A4GNT: variants seen among roughly 807,000 people sequenced by gnomAD.
A4GNT encodes the protein alpha-1,4-N-acetylglucosaminyltransferase.
Under a neutral mutation model 8.3 loss-of-function variants are expected in A4GNT, and 6 were observed. That is an observed-to-expected ratio of 0.72 (90% CI 0.39 to 1.42). The LOEUF is 1.42. Ranked by LOEUF, A4GNT falls within the 40% of genes most tolerant of loss-of-function variation. The probability of loss-of-function intolerance (pLI) is 0.02; values close to 1 mark genes in which losing one functional copy is unlikely to be tolerated. For missense variants in A4GNT, 377 were observed against 417.0 expected (o/e 0.90, Z 0.84); for synonymous variants, 157 against 159.8 (o/e 0.98, Z 0.13).
chr3:138,124,372 G>A lies in A4GNT; in HGVS notation c.915C>T (p.Asn305=), dbSNP rs780715163. 1.2e-6 allele frequency: 2 copies of A among 1,614,120 alleles called. No individual in the cohort carries two copies. Among genetic ancestry groups the A allele is most frequent in the African/African-American group, 2.7e-5 (2 of 74,944 alleles). Reference sequence around the variant, plus strand: ...TGCGATAGAGATTTTCCACCAGTGTGTTGCTTCCTCTAATCACAGCCCGCC... The same window carrying A: ...TGCGATAGAGATTTTCCACCAGTGTATTGCTTCCTCTAATCACAGCCCGCC... ...QEGRAVIRGS[N]TLVENLYRKH... The change falls in exon 3 of 3, where the codon AAC becomes AAT. Residue 305 remains asparagine (N), a synonymous_variant. Transcript: ENST00000236709.
At position 138,124,866 on chromosome 3, in the gene A4GNT, C is replaced by A; in HGVS notation, c.421G>T (p.Ala141Ser). ...FSWYNQINASAERNWLHISSD... is the reference protein window; with the variant it reads ...FSWYNQINASSERNWLHISSD... ...CTGATGTGGAGCCAGTTTCTCTCTG[C>A]GCTGGCGTTGATCTGCAGGAGCAGG... Residue 141 changes from alanine to serine, a missense_variant, in exon 3 of 3, where the codon GCA becomes TCA. Transcript: ENST00000236709. 1 of 1,610,544 alleles carries A rather than the reference C, an allele frequency of 6.2e-7. No individual in the cohort carries two copies. The highest frequency in any genetic ancestry group is 8.5e-7 in the Non-Finnish European group (1 of 1,178,244).
At chr3:138,126,772 G>A (rs2042746936) in intron 2 of A4GNT, among the ~76,000 whole-genome samples, 1 of 150,396 alleles carries the variant, frequency 6.6e-6, no homozygotes, top group African/African-American at 2.5e-5. Context: ...GTTGCAGTGA[G>A]GAAAGATTGT....
rs767113376 is a variant in A4GNT, at chr3:138,124,448, C to G, written c.839G>C (p.Ser280Thr). The change falls in exon 3 of 3, where the codon AGC (serine) becomes ACC (threonine). Residue 280 changes from serine (S) to threonine (T), a missense_variant. Physicochemically the swap from Ser to Thr is moderately conservative, Grantham distance 58. Coordinates refer to ENST00000236709, the MANE Select transcript of A4GNT (RefSeq NM_016161.3). ...RYYEVWDTEP[S>T]FNVSYALHLW... ...ATGCAGGGCATAAGAGACATTGAAG[C>G]TTGGCTCTGTATCCCACACTTCATA... The G allele has an allele frequency of 4.3e-6, 7 of 1,614,224 alleles. No homozygotes were observed. The Admixed American group carries it at 1.2e-4, about 27-fold the overall frequency.
In A4GNT at chr3:138,124,453, C is replaced by T. The variant is rs2042732591; in HGVS notation, c.834G>A (p.Glu278=). Residue 278 remains glutamate (E), a synonymous_variant, in exon 3 of 3, where the codon GAG becomes GAA. Coordinates refer to ENST00000236709, the MANE Select transcript of A4GNT (RefSeq NM_016161.3). The part of the protein sequence containing the change: ...WRRYYEVWDT[E]PSFNVSYALH... ...GGGCATAAGAGACATTGAAGCTTGGCTCTGTATCCCACACTTCATAGTAGC... is the reference window on the plus strand; with the variant it reads ...GGGCATAAGAGACATTGAAGCTTGGTTCTGTATCCCACACTTCATAGTAGC... The T allele has an allele frequency of 1.2e-6, 2 of 1,614,174 alleles. No individual in the cohort carries two copies. The highest frequency in any genetic ancestry group is 2.2e-5 in the South Asian group (2 of 91,084).
At chr3:138,128,482 G>A (rs1296283753) in intron 2 of A4GNT, among the ~76,000 whole-genome samples, 2 of 151,592 alleles carry the variant, frequency 1.3e-5, no homozygotes, top group African/African-American at 2.4e-5. Flanking sequence ...GGGTGGGGGG[G>A]TAGGTGCCAC....
Position 138,124,608 on chromosome 3 carries a change from A to C in A4GNT, c.679T>G (p.Leu227Val). Residue 227 changes from leucine (L) to valine (V), a missense_variant, in exon 3 of 3, where the codon TTG becomes GTG. Coordinates refer to ENST00000236709, the MANE Select transcript of A4GNT (RefSeq NM_016161.3). Reference protein sequence around the residue: ...SAIWGNQGPELMTRMLRVWCK... With the variant: ...SAIWGNQGPEVMTRMLRVWCK... ...CATACCCTCAACATCCTTGTCATCA[A>C]CTCAGGGCCTTGGTTGCCCCAAATG... 6.2e-7 allele frequency: 1 copy of C among 1,614,192 alleles called. No homozygotes were observed.
In A4GNT at chr3:138,124,478, C is replaced by T. The variant is rs570351376; in HGVS notation, c.809G>A (p.Arg270His). 77 of 1,614,080 alleles carry T rather than the reference C, an allele frequency of 4.8e-5. No homozygotes were observed. Among genetic ancestry groups the T allele is most frequent in the Middle Eastern group, 1.6e-4 (1 of 6,084 alleles). ...FYPISYREWR[R>H]YYEVWDTEPS... ...CTCTGTATCCCACACTTCATAGTAG[C>T]GCCTCCACTCTCGATAGGAGATGGG... The change falls in exon 3 of 3, where the codon CGC becomes CAC. Residue 270 changes from arginine (R) to histidine (H), a missense_variant. Arg to His is a conservative substitution (Grantham distance 29). Transcript: ENST00000236709.
intron 2 of A4GNT, among the ~76,000 whole-genome samples, chr3:138,129,658 A>G (rs539519136): frequency 6.6e-6 from 1 of 152,302 alleles, no homozygotes; most frequent in African/African-American, 2.4e-5. Context: ...AATATCCTCA[A>G]TTTTACCACC....
At chr3:138,125,853 T>C (rs746567827) in intron 2 of A4GNT, among the ~76,000 whole-genome samples, 1 of 151,902 alleles carries the variant, frequency 6.6e-6, no homozygotes, top group Non-Finnish European at 1.5e-5. Flanking sequence ...ACACATGCCA[T>C]GTCTGGGAAC....
At chr3:138,131,350 T>C in intron 1 of A4GNT, 68 bp from the exon 2 acceptor site, 1 of 1,252,354 alleles carries the variant, frequency 8.0e-7, no homozygotes, top group Non-Finnish European at 1.1e-6. Context: ...CACAAGAAAA[T>C]GATACATGAA....
upstream of A4GNT, among the ~76,000 whole-genome samples, chr3:138,132,640 C>T (rs542345190): frequency 6.6e-6 from 1 of 152,188 alleles, no homozygotes. Context: ...ATTATTTCAC[C>T]TGGAGAAAAC....
At position 138,124,334 on chromosome 3, in the gene A4GNT, C is replaced by G. The variant is rs2042731486; in HGVS notation, c.953G>C (p.Arg318Thr). 1.9e-6 allele frequency: 3 copies of G among 1,614,088 alleles called. No homozygotes were observed. In the South Asian group the frequency reaches 3.3e-5, roughly 18 times the overall value. ...VENLYRKHCP[R>T]TYRDLIKGPE... is the part of the protein sequence containing the mutation. ...GCCTTTAATCAGGTCCCTGTAAGTCCTGGGACAGTGCTTGCGATAGAGATT... is the reference window on the plus strand; with the variant it reads ...GCCTTTAATCAGGTCCCTGTAAGTCGTGGGACAGTGCTTGCGATAGAGATT... The change falls in exon 3 of 3, where the codon AGG becomes ACG. Residue 318 changes from arginine to threonine, a missense_variant. Coordinates refer to ENST00000236709, the MANE Select transcript of A4GNT (RefSeq NM_016161.3).
intron 2 of A4GNT, among the ~76,000 whole-genome samples, chr3:138,127,242 A>G (rs186436193): frequency 1.3e-5 from 2 of 152,162 alleles, no homozygotes; most frequent in African/African-American, 2.4e-5. Context: ...CGAGTCCTCA[A>G]AAATAGGTAC....
chr3:138,125,564 G>A (rs2042740641), intron 2 of A4GNT, among the ~76,000 whole-genome samples: 1 of 152,178 alleles, frequency 6.6e-6, no homozygotes, highest in Admixed American at 6.5e-5. Flanking sequence ...TGAAGGGACT[G>A]TGAAGGGGCC....
Position 138,124,183 on chromosome 3 carries a change from G to T in A4GNT, c.*81C>A, listed in dbSNP as rs2042730467. 6.5e-7 allele frequency: 1 copy of T among 1,532,952 alleles called. No individual in the cohort carries two copies. Among genetic ancestry groups the T allele is most frequent in the African/African-American group, 1.4e-5 (1 of 72,882 alleles). 95.0% of individuals were successfully genotyped at this position (1,532,952 alleles called of 1,614,324 possible). A position where few individuals can be genotyped will look rare whatever the true frequency, so the allele number is the denominator to read the frequency against. ...CAACCCTCTGCCCACCCCGCCAAGAGACAGTGGAGATCAAGTGAAAATGTG... is the reference window on the plus strand; with the variant it reads ...CAACCCTCTGCCCACCCCGCCAAGATACAGTGGAGATCAAGTGAAAATGTG... On this transcript the variant is annotated 3_prime_UTR_variant, in exon 3 of 3. Transcript: ENST00000236709.
intron 2 of A4GNT, among the ~76,000 whole-genome samples, chr3:138,125,498 A>G (rs1180332801): frequency 6.6e-6 from 1 of 152,210 alleles, no homozygotes; most frequent in African/African-American, 2.4e-5. Context: ...GAGACAGATA[A>G]TAAATAAACC....
chr3:138,124,589 C>T lies in A4GNT; in HGVS notation c.698G>A (p.Arg233Lys), dbSNP rs750149302. 9 of 1,614,234 alleles carry T rather than the reference C, an allele frequency of 5.6e-6. No individual in the cohort carries two copies. Among genetic ancestry groups the T allele is most frequent in the Middle Eastern group, 3.3e-4 (2 of 6,062 alleles). Residue 233 changes from arginine (R) to lysine (K), a missense_variant, in exon 3 of 3, where the codon AGG becomes AAG. Arg to Lys is a conservative substitution (Grantham distance 26). Transcript: ENST00000236709. ...QGPELMTRMLRVWCKLEDFQE... is the reference protein window; with the variant it reads ...QGPELMTRMLKVWCKLEDFQE... ...GAAGTCTTCAAGTTTACACCATACCCTCAACATCCTTGTCATCAACTCAGG... is the reference window on the plus strand; with the variant it reads ...GAAGTCTTCAAGTTTACACCATACCTTCAACATCCTTGTCATCAACTCAGG...
intron 2 of A4GNT, among the ~76,000 whole-genome samples, chr3:138,130,294 C>T (rs2042768705): frequency 2.0e-5 from 3 of 152,112 alleles, no homozygotes; most frequent in Admixed American, 2.0e-4. Context: ...CTGATTTCAG[C>T]TCCTCTATAA....
upstream of A4GNT, chr3:138,132,511 C>T (rs75568477): frequency 0.024 from 3,593 of 152,234 alleles, 142 homozygotes; most frequent in African/African-American, 0.083. Flanking sequence ...GAAGCTCCTC[C>T]CTTTACTAAG....
Sources: gnomAD v4.1 joint callset for allele counts (sites outside exome capture counted in the v4.1 genomes callset) on GRCh38, gnomAD v4.1.1 for gene constraint, MANE v1.5 for transcripts, NCBI Gene and HGNC (gene_info 2026-07-23, HGNC 2026-07-21) for gene names.